Variants in SORT1 observed in about 807,000 individuals in gnomAD.
SORT1 encodes the protein sortilin 1, also known as sortilin.
Under a neutral mutation model 101.7 loss-of-function variants are expected in SORT1, and 39 were observed. The ratio of observed to expected loss-of-function variants is 0.38; its 90% CI spans 0.30 to 0.50. The LOEUF is 0.50. Ranked by LOEUF, SORT1 falls within the 20% of genes least tolerant of loss-of-function variation. SORT1 has a pLI of 0.90. For missense variants in SORT1, 878 were observed against 1,040.4 expected (o/e 0.84, Z 2.15); for synonymous variants, 396 against 393.7 (o/e 1.01, Z -0.07).
intron 14 of SORT1, among the ~76,000 whole-genome samples, chr1:109,323,483 G>A (rs1452669007): frequency 6.6e-6 from 1 of 152,222 alleles, no homozygotes; most frequent in Admixed American, 6.5e-5. Context: ...TCAGAGGTAA[G>A]CAACCAGATA....
intron 11 of SORT1, among the ~76,000 whole-genome samples, chr1:109,333,565 A>C (rs1648599680): frequency 6.6e-6 from 1 of 152,198 alleles, no homozygotes; most frequent in Admixed American, 6.5e-5. Flanking sequence ...GAAAACAAAT[A>C]ATCCAACTAA....
At chr1:109,338,118 C>T (rs538371240) in intron 10 of SORT1, among the ~76,000 whole-genome samples, 15 of 152,098 alleles carry the variant, frequency 9.9e-5, no homozygotes, top group African/African-American at 3.4e-4. Context: ...TGTGAGGAGG[C>T]GAGGGCAAAC....
At position 109,375,311 on chromosome 1, in the gene SORT1, C is replaced by A. The variant is rs1333619028; in HGVS notation, c.307-5722G>T. 2.0e-5 allele frequency among the ~76,000 whole-genome samples: 3 copies of A among 151,876 alleles called. No homozygotes were observed. In the East Asian group the frequency reaches 5.8e-4, roughly 29 times the overall value. On this transcript the variant is annotated intron_variant, in intron 1 of 19. Coordinates refer to ENST00000256637, the MANE Select transcript of SORT1 (RefSeq NM_002959.7). ...GCCACGGTGGCTCACGCCTGTAATC[C>A]CAGCACTTTGGGAGGCCAAGGCGGG... is the stretch of plus-strand genomic sequence containing the variant.
chr1:109,353,663 C>T (rs1372298568), intron 5 of SORT1, among the ~76,000 whole-genome samples: 2 of 152,184 alleles, frequency 1.3e-5, no homozygotes, highest in African/African-American at 4.8e-5. Flanking sequence ...GGATGTGCCT[C>T]TTGAACTAGC....
chr1:109,373,239 G>A (rs1229873751), intron 1 of SORT1, among the ~76,000 whole-genome samples: 1 of 152,162 alleles, frequency 6.6e-6, no homozygotes, highest in Non-Finnish European at 1.5e-5. Flanking sequence ...CAGGGGAGGG[G>A]CACCCAGGCA....
intron 1 of SORT1, among the ~76,000 whole-genome samples, chr1:109,386,672 GT>G (rs1360834040): frequency 2.6e-5 from 4 of 152,178 alleles, no homozygotes; most frequent in Non-Finnish European, 4.4e-5. Context: ...AGGCAGCATA[GT>G]AAGACCTCAT....
At chr1:109,314,220 T>TGGGG (rs56356949) in intron 19 of SORT1, 41 bp downstream of exon 19, 1 of 1,314,204 alleles carries the variant, frequency 7.6e-7, no homozygotes, top group African/African-American at 1.6e-5. Flanking sequence ...TTGTATTTTT[T>TGGGG]GGGGGGGGGG....
At chr1:109,354,225 G>T (rs781001917) in intron 5 of SORT1, 142 bp downstream of exon 5, 7 of 589,134 alleles carry the variant, frequency 1.2e-5, no homozygotes, top group Non-Finnish European at 1.9e-5. Flanking sequence ...AGGAAAAAAC[G>T]TCAAAAAAAT....
In SORT1 at chr1:109,369,522, T is replaced by G; in HGVS notation, c.366+8A>C. ...GGGCTGAAATAACAGACTCAAAATATGACTTACCCCAGTGCTATCTCCAAC... is the reference window on the plus strand; with the variant it reads ...GGGCTGAAATAACAGACTCAAAATAGGACTTACCCCAGTGCTATCTCCAAC... On this transcript the variant is annotated splice_region_variant and intron_variant, in intron 2 of 19. Coordinates refer to ENST00000256637, the MANE Select transcript of SORT1 (RefSeq NM_002959.7). 1 of 1,576,754 alleles carries G rather than the reference T, an allele frequency of 6.3e-7. No individual in the cohort carries two copies. The highest frequency in any genetic ancestry group is 2.2e-5 in the East Asian group (1 of 44,692).
At chr1:109,346,611 G>A (rs577585355) in intron 7 of SORT1, among the ~76,000 whole-genome samples, 1 of 152,032 alleles carries the variant, frequency 6.6e-6, no homozygotes, top group South Asian at 2.1e-4. Context: ...CGGGCGTGGT[G>A]ACAGGCGTCT....
intron 6 of SORT1, among the ~76,000 whole-genome samples, chr1:109,350,714 G>A (rs1167409528): frequency 6.6e-6 from 1 of 152,188 alleles, no homozygotes; most frequent in African/African-American, 2.4e-5. Flanking sequence ...TATACTTTAT[G>A]TTCTAACATT....
chr1:109,336,820 A>AC (rs1291873364), intron 10 of SORT1, among the ~76,000 whole-genome samples: 1 of 152,100 alleles, frequency 6.6e-6, no homozygotes, highest in Non-Finnish European at 1.5e-5. Flanking sequence ...CAGAAAAAAA[A>AC]AAAAAAAAGA....
intron 11 of SORT1, among the ~76,000 whole-genome samples, chr1:109,329,603 T>C (rs1648323390): frequency 6.6e-6 from 1 of 152,132 alleles, no homozygotes; most frequent in African/African-American, 2.4e-5. Flanking sequence ...TAAAAAACTA[T>C]CACAAGGGAT....
rs570189278 is a variant in SORT1, at chr1:109,336,077, T to TA, written c.1371+162dup. Among the ~76,000 whole-genome samples, 26 of 152,338 alleles carry TA rather than the reference T, an allele frequency of 1.7e-4. No homozygotes were observed. The East Asian group carries it at 3.7e-3, about 21-fold the overall frequency. ...AGTATTTTGACCTTTCCTCAGTTCT[T>TA]ACTTCCGAAATTCTAAGTTAATTTC... On this transcript the variant is annotated intron_variant, in intron 11 of 19. Coordinates refer to ENST00000256637, the MANE Select transcript of SORT1 (RefSeq NM_002959.7).
Position 109,323,043 on chromosome 1 carries a change from T to C in SORT1, c.1913A>G (p.Tyr638Cys). 2 of 1,614,194 alleles carry C rather than the reference T, an allele frequency of 1.2e-6. No individual in the cohort carries two copies. The highest frequency in any genetic ancestry group is 1.7e-6 in the Non-Finnish European group (2 of 1,180,008). Residue 638 changes from tyrosine (Y) to cysteine (C), a missense_variant, in exon 15 of 20, where the codon TAC becomes TGC. Tyr to Cys is a radical substitution (Grantham distance 194). This residue lies in a region of SORT1 where 684 missense variants were observed against 894.5 expected (regional missense o/e 0.76). Transcript: ENST00000256637. ...GCGTAGCCGCAGAAACTGTTCTTTG[T>C]AGCCCAAAATGCAGCCATCTTCATA... is the stretch of plus-strand genomic sequence containing the variant. ...EDYEDGCILG[Y>C]KEQFLRLRKS...
chr1:109,339,128 C>T (rs1327970092), intron 10 of SORT1, among the ~76,000 whole-genome samples: 1 of 152,174 alleles, frequency 6.6e-6, no homozygotes, highest in Non-Finnish European at 1.5e-5. Flanking sequence ...CCACCTGCCT[C>T]AGCCTCCCAA....
chr1:109,376,117 C>A (rs930979224), intron 1 of SORT1, among the ~76,000 whole-genome samples: 1 of 151,932 alleles, frequency 6.6e-6, no homozygotes, highest in African/African-American at 2.4e-5. Flanking sequence ...CCGAGGCGGG[C>A]GGATCACGAG....
rs552579003 is a variant in SORT1, at chr1:109,345,062, T to C, written c.963+689A>G. Among the ~76,000 whole-genome samples the C allele has an allele frequency of 4.6e-5, 7 of 152,316 alleles. No homozygotes were observed. In the South Asian group the frequency reaches 1.2e-3, roughly 27 times the overall value. Reference sequence around the variant, plus strand: ...ATAAGTTCTGAGAGCAGGAAATTCATCTGTTTTGTTCACTGCCATATTCCT... The same window carrying C: ...ATAAGTTCTGAGAGCAGGAAATTCACCTGTTTTGTTCACTGCCATATTCCT... On this transcript the variant is annotated intron_variant, in intron 8 of 19. Transcript: ENST00000256637.
intron 10 of SORT1, among the ~76,000 whole-genome samples, chr1:109,336,911 A>T (rs904536575): frequency 1.3e-5 from 2 of 152,078 alleles, no homozygotes; most frequent in Non-Finnish European, 2.9e-5. Context: ...TGAAAAAAAT[A>T]CCTTTTAACT....
Sources: gnomAD v4.1 joint callset for allele counts (sites outside exome capture counted in the v4.1 genomes callset) on GRCh38, gnomAD v4.1.1 for gene constraint, gnomAD v4.1.1 regional missense constraint, MANE v1.5 for transcripts, NCBI Gene and HGNC (gene_info 2026-07-23, HGNC 2026-07-21) for gene names.